Variants in MS4A13 observed in about 807,000 individuals in gnomAD.
MS4A13 encodes membrane spanning 4-domains A13.
Under a neutral mutation model 18.4 loss-of-function variants are expected in MS4A13, and 21 were observed. That is an observed-to-expected ratio of 1.14 (90% CI 0.81 to 1.64). The LOEUF (loss-of-function observed/expected upper bound fraction) is 1.64, where lower values mean the gene tolerates loss of function less well. Ranked by LOEUF, MS4A13 falls within the 40% of genes most tolerant of loss-of-function variation. The pLI is 0.00. For missense variants in MS4A13, 173 were observed against 176.8 expected, an observed-to-expected ratio of 0.98 and a Z score of 0.12; for synonymous variants, 62 against 57.2, an observed-to-expected ratio of 1.08 and a Z score of -0.38.
chr11:60,538,093 G>T (rs1019265549), intron 6 of MS4A13, among the ~76,000 whole-genome samples: 3 of 150,586 alleles, frequency 2.0e-5, no homozygotes, highest in Non-Finnish European at 4.4e-5. Context: ...CACGTTGGTG[G>T]GTGCAGCGCA....
intron 5 of MS4A13, among the ~76,000 whole-genome samples, chr11:60,527,410 C>CTCTCTCTCTCTGTG (rs1555024373): frequency 3.5e-5 from 1 of 28,788 alleles, no homozygotes; most frequent in African/African-American, 1.6e-4. Flanking sequence ...CTCTCTCTCT[C>CTCTCTCTCTCTGTG]TGTGTGTGTG....
chr11:60,542,252 GAGAA>G (rs201118211), intron 6 of MS4A13, among the ~76,000 whole-genome samples: 9,349 of 108,216 alleles, frequency 0.086, 626 homozygotes, highest in African/African-American at 0.21. Context: ...GAAAGAAAAA[GAGAA>G]AGAAAGAAAG....
At chr11:60,522,359 C>G (rs568957242) in intron 3 of MS4A13, among the ~76,000 whole-genome samples, 1 of 151,478 alleles carries the variant, frequency 6.6e-6, no homozygotes, top group Non-Finnish European at 1.5e-5. Context: ...AATTTCAATT[C>G]ATTCGAAAAG....
chr11:60,516,850 T>A (rs1005057770), intron 2 of MS4A13, among the ~76,000 whole-genome samples: 30 of 152,306 alleles, frequency 2.0e-4, no homozygotes, highest in African/African-American at 7.0e-4. Flanking sequence ...GTCAATCATT[T>A]AAAAAGAGAT....
At position 60,525,328 on chromosome 11, in the gene MS4A13, T is replaced by A; in HGVS notation, c.306+2T>A. 1 of 1,569,616 alleles carries A rather than the reference T, an allele frequency of 6.4e-7. No individual in the cohort carries two copies. Among genetic ancestry groups the A allele is most frequent in the Non-Finnish European group, 8.7e-7 (1 of 1,154,178 alleles). On this transcript the variant is annotated splice_donor_variant, in intron 5 of 6. Coordinates refer to ENST00000378186, the MANE Select transcript of MS4A13 (RefSeq NM_001012417.3). LOFTEE classifies it high-confidence loss of function. ...TCATACAGGAATTATGGACAAGCAGTAAGTGACCAATTCTATGGGAACATA... is the reference window on the plus strand; with the variant it reads ...TCATACAGGAATTATGGACAAGCAGAAAGTGACCAATTCTATGGGAACATA...
intron 5 of MS4A13, among the ~76,000 whole-genome samples, chr11:60,527,388 C>T (rs1290127768): frequency 7.8e-6 from 1 of 127,466 alleles, no homozygotes; most frequent in Non-Finnish European, 1.6e-5. Context: ...CTCTCTCTCT[C>T]TCTCTCTCTC....
At position 60,525,017 on chromosome 11, in the gene MS4A13, G is replaced by T. The variant is rs1035214434; in HGVS notation, c.187-190G>T. On this transcript the variant is annotated intron_variant, in intron 4 of 6. Coordinates refer to ENST00000378186, the MANE Select transcript of MS4A13 (RefSeq NM_001012417.3). ...AAGATTAATGATTAATGGACTGATG[G>T]TGTTAATGTTTCCTCCAGATTAACT... Among the ~76,000 whole-genome samples, 3 of 152,092 alleles carry T rather than the reference G, an allele frequency of 2.0e-5. No homozygotes were observed. In the East Asian group the frequency reaches 5.8e-4, roughly 29 times the overall value.
intron 6 of MS4A13, 54 bp downstream of exon 6, chr11:60,529,514 A>T: frequency 1.0e-6 from 1 of 993,752 alleles, no homozygotes; most frequent in African/African-American, 1.6e-5. Context: ...TCTAGTAACT[A>T]CACTCTATGA....
At chr11:60,538,190 AACG>A (rs2086824775) in intron 6 of MS4A13, among the ~76,000 whole-genome samples, 1 of 150,936 alleles carries the variant, frequency 6.6e-6, no homozygotes. Context: ...AAAAAAAAAA[AACG>A]AAAAAAAAAA....
Position 60,542,503 on chromosome 11 carries a change from G to T in MS4A13, c.403-16G>T. ...AGAAACATGATATGATTTGTAAGAGGTTACTTTTTTTCCAGTTTCGAAGAC... is the reference window on the plus strand; with the variant it reads ...AGAAACATGATATGATTTGTAAGAGTTTACTTTTTTTCCAGTTTCGAAGAC... On this transcript the variant is annotated splice_polypyrimidine_tract_variant and intron_variant, in intron 6 of 6. Coordinates refer to ENST00000378186, the MANE Select transcript of MS4A13 (RefSeq NM_001012417.3). 1.3e-6 allele frequency: 2 copies of T among 1,584,582 alleles called. No individual in the cohort carries two copies. Among genetic ancestry groups the T allele is most frequent in the East Asian group, 2.2e-5 (1 of 44,552 alleles).
At chr11:60,532,641 C>T (rs1164808593) in intron 6 of MS4A13, among the ~76,000 whole-genome samples, 1 of 151,740 alleles carries the variant, frequency 6.6e-6, no homozygotes, top group African/African-American at 2.4e-5. Flanking sequence ...ACAAAGCAGC[C>T]TGGAAGCTCG....
At chr11:60,518,327 T>C (rs1161866113) in intron 3 of MS4A13, 115 bp downstream of exon 3, 2 of 772,256 alleles carry the variant, frequency 2.6e-6, no homozygotes, top group East Asian at 5.7e-5. Flanking sequence ...TGTAACTAAA[T>C]CCCATGTTGA....
intron 5 of MS4A13, among the ~76,000 whole-genome samples, chr11:60,525,687 CA>C (rs1174089834): frequency 6.6e-6 from 1 of 152,158 alleles, no homozygotes; most frequent in Non-Finnish European, 1.5e-5. Context: ...CTGCTACTGA[CA>C]CATATGGTTC....
intron 6 of MS4A13, among the ~76,000 whole-genome samples, chr11:60,533,424 A>C (rs1387088564): frequency 9.2e-6 from 1 of 108,404 alleles, no homozygotes; most frequent in African/African-American, 3.6e-5. Context: ...GGGTATCAGC[A>C]ATGGAAGATG....
intron 3 of MS4A13, among the ~76,000 whole-genome samples, chr11:60,522,807 G>A (rs964191467): frequency 6.6e-6 from 1 of 152,116 alleles, no homozygotes; most frequent in African/African-American, 2.4e-5. Flanking sequence ...CCTTAAAAAA[G>A]AGGAGAAAAA....
Position 60,542,690 on chromosome 11 carries a change from A to T in MS4A13, c.*115A>T, listed in dbSNP as rs911055048. ...ACAGATTTTGTGCAAAATAAAATAC[A>T]AACAAGGTGAATTTTTCTCCTCATT... On this transcript the variant is annotated 3_prime_UTR_variant, in exon 7 of 7. Coordinates refer to ENST00000378186, the MANE Select transcript of MS4A13 (RefSeq NM_001012417.3). 6 of 569,390 alleles carry T rather than the reference A, an allele frequency of 1.1e-5. No individual in the cohort carries two copies. Among genetic ancestry groups the T allele is most frequent in the African/African-American group, 3.8e-5 (2 of 53,098 alleles). 35.3% of individuals were successfully genotyped at this position (569,390 alleles called of 1,614,324 possible). A position where few individuals can be genotyped will look rare whatever the true frequency, so the allele number is the denominator to read the frequency against.
At chr11:60,538,177 T>TAAAAA (rs1555025699) in intron 6 of MS4A13, among the ~76,000 whole-genome samples, 16 of 75,128 alleles carry the variant, frequency 2.1e-4, no homozygotes, top group African/African-American at 4.4e-4. Flanking sequence ...TAAAGTATAA[T>TAAAAA]AAAAAAAAAA....
chr11:60,518,754 T>G (rs2086654698), intron 3 of MS4A13, among the ~76,000 whole-genome samples: 1 of 152,198 alleles, frequency 6.6e-6, no homozygotes, highest in Non-Finnish European at 1.5e-5. Context: ...AATTGACCAT[T>G]GGATTTAGCA....
At chr11:60,535,491 G>A (rs1240694290) in intron 6 of MS4A13, among the ~76,000 whole-genome samples, 1 of 136,724 alleles carries the variant, frequency 7.3e-6, no homozygotes, top group Non-Finnish European at 1.5e-5. Context: ...TAGAATCTCT[G>A]AATAGACCAA....
Sources: allele counts gnomAD v4.1 joint callset (sites outside exome capture counted in the v4.1 genomes callset), GRCh38; gene constraint gnomAD v4.1.1; transcripts MANE v1.5; gene names NCBI Gene and HGNC (gene_info 2026-07-23, HGNC 2026-07-21).